Variants in EP400 observed in about 807,000 individuals in gnomAD.
The protein encoded by EP400 is E1A binding protein p400, also known as E1A-binding protein p400.
Under a neutral mutation model 354.1 loss-of-function variants are expected in EP400, and 105 were observed. That is an observed-to-expected ratio of 0.30 (90% confidence interval 0.25 to 0.35). The LOEUF (loss-of-function observed/expected upper bound fraction) is 0.35. Ranked by LOEUF, EP400 falls within the 10% of genes least tolerant of loss-of-function variation. The pLI is 1.00. For synonymous variants in EP400, 1,646 were observed against 1,716.9 expected, an observed-to-expected ratio of 0.96 and a Z score of 1.02; for missense variants, 3,280 against 4,121.0, an observed-to-expected ratio of 0.80 and a Z score of 5.59.
chr12:131,961,501 C>A lies in EP400; in HGVS notation c.882C>A (p.Phe294Leu). 1 of 1,579,488 alleles carries A rather than the reference C, an allele frequency of 6.3e-7. No individual in the cohort carries two copies. The highest frequency in any genetic ancestry group is 8.6e-7 in the Non-Finnish European group (1 of 1,161,828). Residue 294 changes from phenylalanine to leucine, a missense_variant, in exon 2 of 53, where the codon TTC (phenylalanine) becomes TTA (leucine). Around this residue, in one of 20 missense-constraint regions of EP400, gnomAD observed 85 missense variants for 180.3 expected, o/e 0.47. Transcript: ENST00000389561. The part of the protein sequence containing the change: ...QGPPLPRPLG[F>L]ERTPGVLLPG... ...CGCCGCTGCCCCGGCCCCTGGGCTT[C>A]GAGAGGACACCCGGCGTGCTGCTCC...
Position 132,023,913 on chromosome 12 carries a change from C to T in EP400, c.4827C>T (p.Leu1609=), listed in dbSNP as rs774631468. Residue 1609 remains leucine (L), a synonymous_variant, in exon 24 of 53, where the codon CTC becomes CTT. Coordinates refer to ENST00000389561, the MANE Select transcript of EP400 (RefSeq NM_015409.5). ...FTLSHSQLRQ[L]TAGQPLQLQG... is the part of the protein sequence containing the mutation. ...TGTCACACAGCCAGCTCCGGCAGCTCACAGCGGGCCAGCCGCTGCAGCTGC... is the reference window on the plus strand; with the variant it reads ...TGTCACACAGCCAGCTCCGGCAGCTTACAGCGGGCCAGCCGCTGCAGCTGC... The T allele has an allele frequency of 6.8e-6, 11 of 1,607,886 alleles. No homozygotes were observed. The highest frequency in any genetic ancestry group is 6.7e-5 in the East Asian group (3 of 44,734).
chr12:132,018,070 A>C lies in EP400; in HGVS notation c.4111-140A>C, dbSNP rs1469448855. The stretch of plus-strand genomic sequence containing the variant: ...CAGCACCTGTGTATTGGCACGGAGG[A>C]GGGTCTGCTTGCCGAGTGGCCGTTA... On this transcript the variant is annotated intron_variant, in intron 20 of 52. Coordinates refer to ENST00000389561, the MANE Select transcript of EP400 (RefSeq NM_015409.5). The surrounding 1 kb of genome is among the most constrained non-coding windows in gnomAD (Gnocchi z 4.0). 4.0e-6 allele frequency: 4 copies of C among 991,620 alleles called. No homozygotes were observed. Among genetic ancestry groups the C allele is most frequent in the Non-Finnish European group, 6.0e-6 (4 of 668,238 alleles). 61.4% of individuals were successfully genotyped at this position (991,620 alleles called of 1,614,324 possible). A position where few individuals can be genotyped will look rare whatever the true frequency, so the allele number is the denominator to read the frequency against.
rs774931313 is a variant in EP400 at position 132,051,893 on chromosome 12, C to T, written c.7394+1238C>T. Among the ~76,000 whole-genome samples, 7 of 152,094 alleles carry T rather than the reference C, an allele frequency of 4.6e-5. No individual in the cohort carries two copies. In the East Asian group the frequency reaches 5.8e-4, roughly 13 times the overall value. On this transcript the variant is annotated intron_variant, in intron 41 of 52. Transcript: ENST00000389561. ...CTAATGCTACTGCTAGACCACGGTC[C>T]GCTTGGCAGTGGGTGTCTTCCCAGA...
chr12:132,004,874 A>G (rs1167408932), intron 12 of EP400, among the ~76,000 whole-genome samples: 1 of 152,194 alleles, frequency 6.6e-6, no homozygotes, highest in Non-Finnish European at 1.5e-5. Context: ...ATGGGCAACC[A>G]TTTTAGTTTT....
At position 132,079,311 on chromosome 12, in the gene EP400, C is replaced by T. The variant is rs1047281914; in HGVS notation, c.*1638C>T. On this transcript the variant is annotated 3_prime_UTR_variant, in exon 53 of 53. Transcript: ENST00000389561. Reference sequence around the variant, plus strand: ...TAATCTTTTAGTTAGTTGAACATACCAAAGCAGAGGACTGGAATCTGTTTG... The same window carrying T: ...TAATCTTTTAGTTAGTTGAACATACTAAAGCAGAGGACTGGAATCTGTTTG... 1 of 152,256 alleles carries T rather than the reference C, an allele frequency of 6.6e-6. No homozygotes were observed. The highest frequency in any genetic ancestry group is 1.5e-5 in the Non-Finnish European group (1 of 68,048). The allele number at this position is 152,256 out of a possible 1,614,324, so 9.4% of individuals were successfully genotyped here.
intron 5 of EP400, among the ~76,000 whole-genome samples, chr12:131,985,136 G>A (rs1212132512): frequency 2.0e-5 from 3 of 152,084 alleles, no homozygotes; most frequent in East Asian, 1.9e-4. Context: ...GATTACAGGC[G>A]TGAGCCGCCA....
intron 23 of EP400, among the ~76,000 whole-genome samples, 166 bp downstream of exon 23, chr12:132,021,487 A>T (rs1241707087): frequency 6.6e-6 from 1 of 152,240 alleles, no homozygotes; most frequent in African/African-American, 2.4e-5. Flanking sequence ...GCATGAGTCT[A>T]GCAGGGAGCG....
At chr12:132,014,504 C>T (rs952740726) in intron 19 of EP400, among the ~76,000 whole-genome samples, 10 of 152,128 alleles carry the variant, frequency 6.6e-5, no homozygotes, top group Non-Finnish European at 2.9e-5. Context: ...TTCAGATGTG[C>T]ATGGTTTTGG....
In EP400 at chr12:132,066,919, T is replaced by C; in HGVS notation, c.8699T>C (p.Met2900Thr). 6.2e-7 allele frequency: 1 copy of C among 1,610,696 alleles called. No individual in the cohort carries two copies. The highest frequency in any genetic ancestry group is 8.5e-7 in the Non-Finnish European group (1 of 1,178,698). The change falls in exon 49 of 53, where the codon ATG becomes ACG. Residue 2900 changes from methionine (M) to threonine (T), a missense_variant. Met to Thr is a moderately conservative substitution (Grantham distance 81). Transcript: ENST00000389561. ...TCACCGGGAGTCACCACCCTGCCCA[T>C]GAACGTCGCGGGGATCAGCGTGGCG... is the stretch of plus-strand genomic sequence containing the variant. ...VSSPGVTTLP[M>T]NVAGISVAIG...
At chr12:132,069,761 AG>A in intron 51 of EP400, 120 bp downstream of exon 51, 1 of 1,440,734 alleles carries the variant, frequency 6.9e-7, no homozygotes, top group Non-Finnish European at 9.4e-7. Flanking sequence ...GGTGCACTGG[AG>A]GGAAGTGTTG....
At chr12:132,057,434 G>T (rs140878791) in intron 45 of EP400, among the ~76,000 whole-genome samples, 3 of 152,216 alleles carry the variant, frequency 2.0e-5, no homozygotes, top group Admixed American at 2.0e-4. Flanking sequence ...GTATGACTCC[G>T]TTTCAATAAC....
chr12:132,069,551 G>T lies in EP400; in HGVS notation c.8931G>T (p.Ala2977=). ...PGAQQKVAYA[A]QPALKTQFLT... ...CGCAGCAGAAGGTTGCCTACGCCGC[G>T]CAGCCGGCCCTTAAGACCCAGTTTC... is the stretch of plus-strand genomic sequence containing the variant. The change falls in exon 51 of 53, where the codon GCG becomes GCT. Residue 2977 remains alanine (A), a synonymous_variant. Coordinates refer to ENST00000389561, the MANE Select transcript of EP400 (RefSeq NM_015409.5). The T allele has an allele frequency of 6.2e-7, 1 of 1,614,210 alleles. No individual in the cohort carries two copies. The highest frequency in any genetic ancestry group is 8.5e-7 in the Non-Finnish European group (1 of 1,180,014).
rs1212744913 is a variant in EP400 at position 132,050,539 on chromosome 12, A to G, written c.7338-60A>G. ...AGCTTGGTTTTGATGTGTTTTTAACATACCCTTCTTCAGATATTTCCTTTA... is the reference window on the plus strand; with the variant it reads ...AGCTTGGTTTTGATGTGTTTTTAACGTACCCTTCTTCAGATATTTCCTTTA... On this transcript the variant is annotated intron_variant, in intron 40 of 52. Transcript: ENST00000389561. The surrounding 1 kb of genome is among the most constrained non-coding windows in gnomAD (Gnocchi z 4.8). The G allele has an allele frequency of 8.1e-6, 13 of 1,613,204 alleles. No homozygotes were observed. The highest frequency in any genetic ancestry group is 1.3e-5 in the African/African-American group (1 of 74,890).
chr12:132,019,628 G>A (rs1565918042), intron 21 of EP400, among the ~76,000 whole-genome samples: 1 of 152,170 alleles, frequency 6.6e-6, no homozygotes. Context: ...CTTGAAGCCG[G>A]GAGTTTGAGG....
intron 23 of EP400, 48 bp from the exon 24 acceptor site, chr12:132,023,729 T>G: frequency 6.3e-7 from 1 of 1,599,846 alleles, no homozygotes; most frequent in Non-Finnish European, 8.5e-7. Context: ...CACTCCCAAA[T>G]TTTTTCCAAA....
chr12:131,960,909 C>G lies in EP400; in HGVS notation c.290C>G (p.Pro97Arg), dbSNP rs746040771. ...QQITLAPLPL[P>R]SPTSPGFQFS... ...ATCACACTGGCCCCACTGCCGCTCC[C>G]CAGCCCCACCTCTCCAGGCTTCCAG... is the stretch of plus-strand genomic sequence containing the variant. The change falls in exon 2 of 53, where the codon CCC becomes CGC. Residue 97 changes from proline (P) to arginine (R), a missense_variant. Pro to Arg is a moderately radical substitution (Grantham distance 103, BLOSUM62 -2). Coordinates refer to ENST00000389561, the MANE Select transcript of EP400 (RefSeq NM_015409.5). 9.3e-6 allele frequency: 15 copies of G among 1,613,936 alleles called. No individual in the cohort carries two copies. The highest frequency in any genetic ancestry group is 1.3e-5 in the Non-Finnish European group (15 of 1,180,004).
Position 132,047,732 on chromosome 12 carries a change from C to T in EP400, c.7200+1832C>T, listed in dbSNP as rs577857532. Among the ~76,000 whole-genome samples the T allele has an allele frequency of 3.5e-4, 53 of 152,292 alleles. No homozygotes were observed. In the South Asian group the frequency reaches 7.5e-3, roughly 21 times the overall value. ...TCATTGATAACATCTTATCAGGAAA[C>T]AGGGTTTGAGAGCAGACAACCAGTC... is the stretch of plus-strand genomic sequence containing the variant. On this transcript the variant is annotated intron_variant, in intron 39 of 52. Coordinates refer to ENST00000389561, the MANE Select transcript of EP400 (RefSeq NM_015409.5).
In EP400 at chr12:132,050,514, A is replaced by T; in HGVS notation, c.7337+55A>T. ...CATTATGACTGAGTAGATTGCGTGAAGCTTGGTTTTGATGTGTTTTTAACA... is the reference window on the plus strand; with the variant it reads ...CATTATGACTGAGTAGATTGCGTGATGCTTGGTTTTGATGTGTTTTTAACA... On this transcript the variant is annotated intron_variant, in intron 40 of 52. Transcript: ENST00000389561. This position sits in a 1 kb window ranked among gnomAD's most constrained non-coding sequence, Gnocchi z 4.8. The T allele has an allele frequency of 6.2e-7, 1 of 1,612,964 alleles. No homozygotes were observed. The highest frequency in any genetic ancestry group is 8.5e-7 in the Non-Finnish European group (1 of 1,179,030).
chr12:132,046,020 C>T (rs965851760), intron 39 of EP400, 120 bp downstream of exon 39: 24 of 1,274,992 alleles, frequency 1.9e-5, no homozygotes, highest in Admixed American at 1.1e-4. Context: ...TGTGGGTCTG[C>T]GGTGAAGTCC....
Sources: allele counts gnomAD v4.1 joint callset (sites outside exome capture counted in the v4.1 genomes callset), GRCh38; gene constraint gnomAD v4.1.1; regional missense constraint gnomAD v4.1.1; non-coding constraint Gnocchi (gnomAD v3.1); transcripts MANE v1.5; gene names NCBI Gene and HGNC (gene_info 2026-07-23, HGNC 2026-07-21).